IGSF21: variants seen among roughly 807,000 people sequenced by gnomAD.
IGSF21 encodes immunoglobulin superfamily member 21.
In IGSF21, 28 loss-of-function variants were observed where a neutral mutation model predicts 46.8. The ratio of observed to expected loss-of-function variants is 0.60; its 90% confidence interval spans 0.44 to 0.82. IGSF21 has a LOEUF of 0.82. Among genes scored for constraint, IGSF21 ranks in the 40% least tolerant of loss-of-function variants. IGSF21 has a pLI of 0.00. For synonymous variants in IGSF21, 284 were observed against 273.6 expected (o/e 1.04, Z -0.38); for missense variants, 624 against 665.5 (o/e 0.94, Z 0.69).
At chr1:18,112,360 T>C (rs1408551380) in intron 1 of IGSF21, 1 of 152,094 alleles carries the variant, frequency 6.6e-6, no homozygotes, top group African/African-American at 2.4e-5. Flanking sequence ...TGTTTAAGGC[T>C]CAGTGGGAAA....
intron 3 of IGSF21, among the ~76,000 whole-genome samples, chr1:18,311,293 TG>T (rs1355922817): frequency 6.6e-6 from 1 of 152,150 alleles, no homozygotes; most frequent in Non-Finnish European, 1.5e-5. Context: ...AAGCAGCACC[TG>T]CCACCTCTGC....
chr1:18,250,976 C>T (rs2084835948), intron 2 of IGSF21, among the ~76,000 whole-genome samples: 1 of 152,022 alleles, frequency 6.6e-6, no homozygotes. Context: ...AGAAAAGATG[C>T]CTCTGGGGAA....
At chr1:18,223,132 A>C (rs1286110705) in intron 1 of IGSF21, among the ~76,000 whole-genome samples, 1 of 152,224 alleles carries the variant, frequency 6.6e-6, no homozygotes, top group Non-Finnish European at 1.5e-5. Context: ...TCTGACCTCA[A>C]GCCCTGAGGC....
intron 1 of IGSF21, among the ~76,000 whole-genome samples, chr1:18,221,726 C>T (rs975863824): frequency 1.1e-4 from 17 of 152,222 alleles, no homozygotes; most frequent in African/African-American, 3.6e-4. Flanking sequence ...CTCGATACCG[C>T]GCTTAGTGGG....
chr1:18,374,936 A>G (rs1262987095), intron 6 of IGSF21, among the ~76,000 whole-genome samples: 1 of 152,102 alleles, frequency 6.6e-6, no homozygotes, highest in East Asian at 1.9e-4. Context: ...CCGGCCCTGG[A>G]AACTCAATGG....
chr1:18,142,795 C>T (rs774373377), intron 1 of IGSF21, among the ~76,000 whole-genome samples: 1 of 152,198 alleles, frequency 6.6e-6, no homozygotes, highest in Admixed American at 6.5e-5. Flanking sequence ...GACCCCTGTA[C>T]TGCCTGGTTT....
At chr1:18,127,569 C>G (rs1053992550) in intron 1 of IGSF21, among the ~76,000 whole-genome samples, 1 of 152,146 alleles carries the variant, frequency 6.6e-6, no homozygotes, top group Non-Finnish European at 1.5e-5. Flanking sequence ...TCATCTTGGA[C>G]AGGGCACGTG....
In IGSF21 at chr1:18,108,247, G is replaced by A. The variant is rs761512670; in HGVS notation, c.70+49G>A. The A allele has an allele frequency of 9.1e-6, 12 of 1,317,236 alleles. No homozygotes were observed. In the South Asian group the frequency reaches 2.3e-4, roughly 25 times the overall value. 81.6% of individuals were successfully genotyped at this position (1,317,236 alleles called of 1,614,324 possible). Reference sequence around the variant, plus strand: ...GAGCCGAGCGGTGAACGTGCGCGGGGACGGGGTGCCGGGGGAGGGCGCTGG... The same window carrying A: ...GAGCCGAGCGGTGAACGTGCGCGGGAACGGGGTGCCGGGGGAGGGCGCTGG... On this transcript the variant is annotated intron_variant, in intron 1 of 9. Coordinates refer to ENST00000251296, the MANE Select transcript of IGSF21 (RefSeq NM_032880.5).
intron 1 of IGSF21, among the ~76,000 whole-genome samples, chr1:18,119,302 G>A (rs528307298): frequency 3.9e-5 from 6 of 152,364 alleles, no homozygotes; most frequent in Non-Finnish European, 7.3e-5. Flanking sequence ...CTAGGGCTAC[G>A]CTGTTTCAAT....
rs2086118516 is a variant in IGSF21 at position 18,109,129 on chromosome 1, C to G, written c.70+931C>G. Among the ~76,000 whole-genome samples, 1 of 151,910 alleles carries G rather than the reference C, an allele frequency of 6.6e-6. No homozygotes were observed. Among genetic ancestry groups the G allele is most frequent in the Non-Finnish European group, 1.5e-5 (1 of 67,986 alleles). On this transcript the variant is annotated intron_variant, in intron 1 of 9. Transcript: ENST00000251296. The surrounding 1 kb of genome is among the most constrained non-coding windows in gnomAD (Gnocchi z 4.8). ...GCTCCGCAGCCCCAGGGTCCGCGGC[C>G]GGCCTCCCACCCAGTGCCGCCGCGT...
At chr1:18,265,249 G>A (rs1446271058) in intron 2 of IGSF21, among the ~76,000 whole-genome samples, 1 of 152,098 alleles carries the variant, frequency 6.6e-6, no homozygotes, top group African/African-American at 2.4e-5. Flanking sequence ...TTAATGTTGA[G>A]TGATTACACA....
At chr1:18,252,045 G>GTTT (rs59704256) in intron 2 of IGSF21, among the ~76,000 whole-genome samples, 8,721 of 71,584 alleles carry the variant, frequency 0.12, 1,373 homozygotes, top group Non-Finnish European at 0.17. Flanking sequence ...TGACCAAGGC[G>GTTT]TTTTTTTTTT....
chr1:18,356,909 GGA>G (rs1264033899), intron 4 of IGSF21, among the ~76,000 whole-genome samples: 1 of 151,924 alleles, frequency 6.6e-6, no homozygotes, highest in Non-Finnish European at 1.5e-5. Flanking sequence ...ACAGAAATGA[GGA>G]GAGAATAGGG....
At chr1:18,273,382 T>C (rs1183215770) in intron 2 of IGSF21, among the ~76,000 whole-genome samples, 2 of 146,584 alleles carry the variant, frequency 1.4e-5, no homozygotes, top group South Asian at 2.2e-4. Context: ...TTCCTTTCCT[T>C]TCCTTTCCTT....
At chr1:18,342,528 A>G (rs2085853573) in intron 4 of IGSF21, among the ~76,000 whole-genome samples, 1 of 152,216 alleles carries the variant, frequency 6.6e-6, no homozygotes, top group Admixed American at 6.5e-5. Context: ...CAATTTTAGA[A>G]CATTTTCATC....
intron 3 of IGSF21, among the ~76,000 whole-genome samples, chr1:18,300,755 G>A (rs573315927): frequency 2.0e-4 from 30 of 152,252 alleles, no homozygotes; most frequent in African/African-American, 7.0e-4. Flanking sequence ...TAGAGTGTGC[G>A]CATGCTTTCC....
At chr1:18,246,984 A>C (rs1266888405) in intron 2 of IGSF21, among the ~76,000 whole-genome samples, 1 of 151,772 alleles carries the variant, frequency 6.6e-6, no homozygotes, top group East Asian at 1.9e-4. Context: ...GCTCCATTGT[A>C]TAGACAAGAA....
rs567643222 is a variant in IGSF21 at position 18,288,275 on chromosome 1, C to T, written c.184-3591C>T. ...AGCACTCCCTGAAAAGGGCCTACTT[C>T]CTCCAGGAAGCCTTCCATGATCACC... On this transcript the variant is annotated intron_variant, in intron 2 of 9. Transcript: ENST00000251296. 7.1e-4 allele frequency among the ~76,000 whole-genome samples: 108 copies of T among 152,308 alleles called. No homozygotes were observed. The South Asian group carries it at 8.7e-3, about 12-fold the overall frequency.
intron 4 of IGSF21, among the ~76,000 whole-genome samples, chr1:18,342,985 C>G (rs2085858238): frequency 6.6e-6 from 1 of 152,200 alleles, no homozygotes; most frequent in Non-Finnish European, 1.5e-5. Flanking sequence ...AACAATGACT[C>G]TGCATTTAAA....
Sources: gnomAD v4.1 joint callset for allele counts (sites outside exome capture counted in the v4.1 genomes callset) on GRCh38, gnomAD v4.1.1 for gene constraint, Gnocchi (gnomAD v3.1) non-coding constraint, MANE v1.5 for transcripts, NCBI Gene and HGNC (gene_info 2026-07-23, HGNC 2026-07-21) for gene names.